Variants in DEF6 observed in about 807,000 individuals in gnomAD.
The protein encoded by DEF6 is DEF6 guanine nucleotide exchange factor.
In DEF6, 32 loss-of-function variants were observed where a neutral mutation model predicts 80.5. The observed-to-expected ratio is 0.40, with a 90% CI of 0.30 to 0.53. The LOEUF is 0.53. Ranked by LOEUF, DEF6 falls within the 20% of genes least tolerant of loss-of-function variation. The pLI is 0.57. For missense variants in DEF6, 575 were observed against 818.7 expected (o/e 0.70, Z 3.63); for synonymous variants, 300 against 337.9 (o/e 0.89, Z 1.23).
rs765868542 is a variant in DEF6 at position 35,309,754 on chromosome 6, G to A, written c.181G>A (p.Gly61Ser). Residue 61 changes from glycine to serine, a missense_variant, in exon 2 of 11, where the codon GGC becomes AGC. Coordinates refer to ENST00000316637, the MANE Select transcript of DEF6 (RefSeq NM_022047.4). ...GGAACACTTCCGAGATGATGATGAC[G>A]GCCCTGTGTCCAGCCAGGGATACAT... The part of the protein sequence containing the change: ...LEEHFRDDDD[G>S]PVSSQGYMPY... 2 of 1,613,990 alleles carry A rather than the reference G, an allele frequency of 1.2e-6. No individual in the cohort carries two copies. The highest frequency in any genetic ancestry group is 1.7e-6 in the Non-Finnish European group (2 of 1,179,990).
chr6:35,307,686 C>T (rs1791410792), intron 1 of DEF6, among the ~76,000 whole-genome samples: 1 of 151,942 alleles, frequency 6.6e-6, no homozygotes, highest in Admixed American at 6.6e-5. Flanking sequence ...GCTCACATAA[C>T]CAAAAACTCC....
intron 5 of DEF6, chr6:35,313,283 C>T (rs1034683968): frequency 7.2e-6 from 3 of 418,828 alleles, no homozygotes; most frequent in Non-Finnish European, 1.4e-5. Flanking sequence ...CCCATTTTAA[C>T]TATTTTAAGC....
intron 5 of DEF6, 163 bp from the exon 6 acceptor site, chr6:35,317,728 G>T: frequency 1.5e-4 from 75 of 505,006 alleles, no homozygotes; most frequent in Middle Eastern, 1.2e-3. Flanking sequence ...GGGGACTTAA[G>T]TCCCCCATAA....
intron 1 of DEF6, among the ~76,000 whole-genome samples, chr6:35,308,930 T>C (rs1040632819): frequency 6.6e-6 from 1 of 152,136 alleles, no homozygotes; most frequent in Admixed American, 6.6e-5. Context: ...AACCCCTTTA[T>C]TCTAATATCA....
At chr6:35,313,620 C>T (rs1232006944) in intron 5 of DEF6, among the ~76,000 whole-genome samples, 5 of 152,212 alleles carry the variant, frequency 3.3e-5, no homozygotes, top group Admixed American at 6.5e-5. Flanking sequence ...CCCCACACTT[C>T]CTGGCCTCTG....
At position 35,297,919 on chromosome 6, in the gene DEF6, G is replaced by A; in HGVS notation, c.63G>A (p.Glu21=). 6.2e-7 allele frequency: 1 copy of A among 1,607,244 alleles called. No homozygotes were observed. The highest frequency in any genetic ancestry group is 8.5e-7 in the Non-Finnish European group (1 of 1,177,420). The change falls in exon 1 of 11, where the codon GAG becomes GAA. Residue 21 remains glutamate (E), a synonymous_variant. Transcript: ENST00000316637. ...IWYAFTALDV[E]KSGKVSKSQL... Reference sequence around the variant, plus strand: ...ACGCCTTTACCGCGCTGGACGTGGAGAAGAGTGGCAAAGTCTCCAAGTCCC... The same window carrying A: ...ACGCCTTTACCGCGCTGGACGTGGAAAAGAGTGGCAAAGTCTCCAAGTCCC...
chr6:35,310,436 C>G, intron 2 of DEF6, 23 bp from the exon 3 acceptor site: 1 of 1,610,828 alleles, frequency 6.2e-7, no homozygotes, highest in Non-Finnish European at 8.5e-7. Flanking sequence ...ATGCAGTCAG[C>G]TGATTTGCAG....
chr6:35,310,296 C>G (rs1207951250), intron 2 of DEF6, among the ~76,000 whole-genome samples, 163 bp from the exon 3 acceptor site: 1 of 152,096 alleles, frequency 6.6e-6, no homozygotes, highest in Non-Finnish European at 1.5e-5. Flanking sequence ...TGGTTGGAAC[C>G]AGCTAGTTAC....
chr6:35,297,976 G>A (rs1331181562), intron 1 of DEF6, 24 bp downstream of exon 1: 2 of 1,569,016 alleles, frequency 1.3e-6, no homozygotes, highest in Non-Finnish European at 1.7e-6. Context: ...GGGACCCGGG[G>A]GAGGACGGCA....
chr6:35,305,561 T>TGG (rs1258427642), intron 1 of DEF6, among the ~76,000 whole-genome samples: 5 of 151,856 alleles, frequency 3.3e-5, no homozygotes, highest in Admixed American at 3.3e-4. Context: ...TTTTTTTTTG[T>TGG]GGGGGTGTGT....
chr6:35,298,802 G>A (rs1344863913), intron 1 of DEF6, among the ~76,000 whole-genome samples: 2 of 152,194 alleles, frequency 1.3e-5, no homozygotes, highest in Admixed American at 1.3e-4. Context: ...GTAGGCCTCA[G>A]CTCTCTAGGA....
chr6:35,310,077 C>A (rs1475379148), intron 2 of DEF6, among the ~76,000 whole-genome samples: 1 of 152,078 alleles, frequency 6.6e-6, no homozygotes, highest in East Asian at 1.9e-4. Context: ...CCCTGCCCGG[C>A]CCTCCTCCAG....
rs1288690802 is a variant in DEF6 at position 35,321,271 on chromosome 6, C to A, written c.1757C>A (p.Thr586Asn). The change falls in exon 11 of 11, where the codon ACC becomes AAC. Residue 586 changes from threonine (T) to asparagine (N), a missense_variant. Coordinates refer to ENST00000316637, the MANE Select transcript of DEF6 (RefSeq NM_022047.4). ...AHRDSSLKRLTRWGSQGNRTP... is the reference protein window; with the variant it reads ...AHRDSSLKRLNRWGSQGNRTP... ...CGTGACTCCTCCCTAAAGCGCCTGA[C>A]CCGCTGGGGATCCCAGGGCAACAGG... 1.9e-6 allele frequency: 3 copies of A among 1,613,972 alleles called. No individual in the cohort carries two copies. The highest frequency in any genetic ancestry group is 2.5e-6 in the Non-Finnish European group (3 of 1,180,014).
intron 1 of DEF6, among the ~76,000 whole-genome samples, chr6:35,305,848 C>T (rs1791382527): frequency 6.6e-6 from 1 of 152,188 alleles, no homozygotes; most frequent in Non-Finnish European, 1.5e-5. Context: ...GCTGGGATTA[C>T]AGGTGTGAAC....
At chr6:35,301,727 C>CTTTTTTTTTT (rs71538302) in intron 1 of DEF6, among the ~76,000 whole-genome samples, 4 of 131,732 alleles carry the variant, frequency 3.0e-5, no homozygotes, top group African/African-American at 1.1e-4. Context: ...GGAGCTGTGT[C>CTTTTTTTTTT]TTTTTTTTTT....
chr6:35,317,723 C>CT, intron 5 of DEF6, 168 bp from the exon 6 acceptor site: 1 of 567,952 alleles, frequency 1.8e-6, no homozygotes. Flanking sequence ...GTTGTGGGGA[C>CT]TTAAGTCCCC....
At chr6:35,310,367 G>A (rs995718788) in intron 2 of DEF6, 92 bp from the exon 3 acceptor site, 41 of 1,394,522 alleles carry the variant, frequency 2.9e-5, no homozygotes, top group Admixed American at 9.0e-5. Context: ...GTGGGGAGCA[G>A]GGGCATAGAT....
chr6:35,306,831 C>T (rs942118235), intron 1 of DEF6, among the ~76,000 whole-genome samples: 2 of 152,200 alleles, frequency 1.3e-5, no homozygotes, highest in African/African-American at 2.4e-5. Flanking sequence ...GCACTATGCA[C>T]CAGGTACTCT....
intron 1 of DEF6, among the ~76,000 whole-genome samples, chr6:35,306,741 A>G (rs1466292258): frequency 1.3e-5 from 2 of 152,200 alleles, no homozygotes; most frequent in Admixed American, 6.5e-5. Flanking sequence ...CTTTTTTTAC[A>G]TGCCAGTGTA....
Sources: allele counts gnomAD v4.1 joint callset (sites outside exome capture counted in the v4.1 genomes callset), GRCh38; gene constraint gnomAD v4.1.1; transcripts MANE v1.5; gene names NCBI Gene and HGNC (gene_info 2026-07-23, HGNC 2026-07-21).